TTLL5: variants seen among roughly 807,000 people sequenced by gnomAD.
TTLL5 encodes the protein tubulin polyglutamylase TTLL5.
TTLL5 carries 132 observed loss-of-function variants against 168.4 expected under a neutral mutation model. The ratio of observed to expected loss-of-function variants is 0.78; its 90% CI spans 0.68 to 0.91. The LOEUF is 0.91. Among genes scored for constraint, TTLL5 ranks in the 40% least tolerant of loss-of-function variants. The probability of loss-of-function intolerance (pLI) is 0.00; values close to 1 mark genes in which losing one functional copy is unlikely to be tolerated. For synonymous variants in TTLL5, 546 were observed against 558.6 expected (o/e 0.98, Z 0.32); for missense variants, 1,545 against 1,581.5 (o/e 0.98, Z 0.39).
intron 28 of TTLL5, among the ~76,000 whole-genome samples, chr14:75,828,178 G>A (rs1464312062): frequency 1.3e-5 from 2 of 152,068 alleles, no homozygotes; most frequent in Non-Finnish European, 2.9e-5. Context: ...TAGTAAATTG[G>A]ATGTACTTAA....
intron 31 of TTLL5, among the ~76,000 whole-genome samples, chr14:75,953,600 G>A (rs1391671195): frequency 6.6e-6 from 1 of 152,164 alleles, no homozygotes; most frequent in Non-Finnish European, 1.5e-5. Flanking sequence ...GTCTAGCAGG[G>A]ATGCAGGGTA....
At chr14:75,782,948 C>G (rs1210630830) in intron 25 of TTLL5, among the ~76,000 whole-genome samples, 199 bp from the exon 26 acceptor site, 2 of 152,140 alleles carry the variant, frequency 1.3e-5, no homozygotes, top group Admixed American at 6.5e-5. Flanking sequence ...AAGTAAATTC[C>G]TATTTCTGTT....
intron 28 of TTLL5, among the ~76,000 whole-genome samples, chr14:75,837,787 G>T (rs750722651): frequency 1.3e-5 from 2 of 151,966 alleles, no homozygotes; most frequent in African/African-American, 4.8e-5. Context: ...TCCTTTTACA[G>T]GCTGAATAAT....
chr14:75,698,110 G>A (rs1207862121), intron 6 of TTLL5, among the ~76,000 whole-genome samples: 1 of 152,212 alleles, frequency 6.6e-6, no homozygotes, highest in African/African-American at 2.4e-5. Context: ...AAGAGGCACA[G>A]CTGGGACCAG....
At chr14:75,755,040 A>G (rs951524969) in intron 18 of TTLL5, among the ~76,000 whole-genome samples, 2 of 152,098 alleles carry the variant, frequency 1.3e-5, no homozygotes, top group African/African-American at 4.8e-5. Context: ...TGAGGTGGGC[A>G]GATCACCTGA....
intron 28 of TTLL5, among the ~76,000 whole-genome samples, chr14:75,833,222 G>A (rs373604634): frequency 2.0e-5 from 3 of 151,824 alleles, no homozygotes; most frequent in Non-Finnish European, 4.4e-5. Context: ...ATTTTCTTTC[G>A]TTCTCTGAGT....
intron 31 of TTLL5, chr14:75,906,458 C>T (rs1428571800): frequency 1.1e-5 from 10 of 900,730 alleles, no homozygotes; most frequent in South Asian, 5.1e-5. Flanking sequence ...TCTGGGGGAA[C>T]GGTGATCCCC....
In TTLL5 at chr14:75,836,553, T is replaced by C. The variant is rs1595124503; in HGVS notation, c.3326+16392T>C. On this transcript the variant is annotated intron_variant, in intron 28 of 31. Transcript: ENST00000298832. ...TTTTTAAGTAACTAAAAGAGTGTAATTGGACTGTATGTAACACAAAGGATA... is the reference window on the plus strand; with the variant it reads ...TTTTTAAGTAACTAAAAGAGTGTAACTGGACTGTATGTAACACAAAGGATA... Among the ~76,000 whole-genome samples, 5 of 152,264 alleles carry C rather than the reference T, an allele frequency of 3.3e-5. No individual in the cohort carries two copies. The South Asian group carries it at 1.0e-3, about 32-fold the overall frequency.
At chr14:75,742,071 A>C (rs895231616) in intron 15 of TTLL5, among the ~76,000 whole-genome samples, 1 of 152,200 alleles carries the variant, frequency 6.6e-6, no homozygotes, top group Non-Finnish European at 1.5e-5. Context: ...TGTTCTTTTA[A>C]ATACAGCCAT....
chr14:75,801,023 G>T (rs1893279862), intron 27 of TTLL5, among the ~76,000 whole-genome samples: 1 of 152,132 alleles, frequency 6.6e-6, no homozygotes, highest in Admixed American at 6.5e-5. Flanking sequence ...ATACAAGCTT[G>T]CCCTAAGGTC....
At chr14:75,857,612 T>C (rs1897197956) in intron 28 of TTLL5, among the ~76,000 whole-genome samples, 2 of 151,896 alleles carry the variant, frequency 1.3e-5, no homozygotes, top group African/African-American at 4.8e-5. Flanking sequence ...TGTGAAAGGA[T>C]GGAATTATTT....
At chr14:75,740,976 C>T (rs913998100) in intron 15 of TTLL5, among the ~76,000 whole-genome samples, 2 of 152,104 alleles carry the variant, frequency 1.3e-5, no homozygotes, top group African/African-American at 4.8e-5. Context: ...GCCATTTTTC[C>T]CCATTCCACA....
At chr14:75,745,031 G>A in intron 15 of TTLL5, 64 bp from the exon 16 acceptor site, 1 of 1,270,446 alleles carries the variant, frequency 7.9e-7, no homozygotes. Context: ...AATGAACAGA[G>A]GGTAATGAGG....
At position 75,886,738 on chromosome 14, in the gene TTLL5, A is replaced by G. The variant is rs751711989; in HGVS notation, c.3740+3836A>G. 5 of 1,597,676 alleles carry G rather than the reference A, an allele frequency of 3.1e-6. No individual in the cohort carries two copies. In the South Asian group the frequency reaches 3.3e-5, roughly 11 times the overall value. On this transcript the variant is annotated intron_variant, in intron 30 of 31. Coordinates refer to ENST00000298832, the MANE Select transcript of TTLL5 (RefSeq NM_015072.5). ...TCCTCCTTTCAAAACTATTTGTGGT[A>G]TTTCTTCCAAGCAGTCAGCTGAACT...
In TTLL5 at chr14:75,841,848, C is replaced by G. The variant is rs567527066; in HGVS notation, c.3326+21687C>G. 8.8e-4 allele frequency among the ~76,000 whole-genome samples: 134 copies of G among 152,218 alleles called. 3 individuals are homozygous for G. The South Asian group carries it at 0.027, about 31-fold the overall frequency. ...GCAAATAAAATCTTCTCAGAGGTAG[C>G]TATACTTAAAAGGTTGGTTTGTATA... On this transcript the variant is annotated intron_variant, in intron 28 of 31. Transcript: ENST00000298832.
chr14:75,841,860 G>T (rs1018939009), intron 28 of TTLL5, among the ~76,000 whole-genome samples: 9 of 152,038 alleles, frequency 5.9e-5, no homozygotes, highest in Admixed American at 2.6e-4. Flanking sequence ...ATACTTAAAA[G>T]GTTGGTTTGT....
At chr14:75,694,938 C>T (rs1356424360) in intron 6 of TTLL5, among the ~76,000 whole-genome samples, 1 of 152,084 alleles carries the variant, frequency 6.6e-6, no homozygotes, top group Non-Finnish European at 1.5e-5. Context: ...ATTGCGTTAA[C>T]TGCACAAATT....
chr14:75,941,100 T>C (rs1173666761), intron 31 of TTLL5, among the ~76,000 whole-genome samples: 1 of 152,214 alleles, frequency 6.6e-6, no homozygotes, highest in Non-Finnish European at 1.5e-5. Context: ...AAAGGATTTC[T>C]GGGAGGCCAT....
chr14:75,730,894 A>G lies in TTLL5; in HGVS notation c.1043-1444A>G, dbSNP rs545599051. On this transcript the variant is annotated intron_variant, in intron 12 of 31. Coordinates refer to ENST00000298832, the MANE Select transcript of TTLL5 (RefSeq NM_015072.5). ...GCCACCACGCCCAGCTAATTTTTGT[A>G]TTTTTAGTAGAGACGGGGTTTCACC... is the stretch of plus-strand genomic sequence containing the variant. 1.7e-3 allele frequency among the ~76,000 whole-genome samples: 253 copies of G among 151,996 alleles called. 5 individuals carry two copies. Among genetic ancestry groups the G allele is most frequent in the African/African-American group, 5.6e-3 (232 of 41,454 alleles).
Sources: gnomAD v4.1 joint callset for allele counts (sites outside exome capture counted in the v4.1 genomes callset) on GRCh38, gnomAD v4.1.1 for gene constraint, MANE v1.5 for transcripts, NCBI Gene and HGNC (gene_info 2026-07-23, HGNC 2026-07-21) for gene names.